The following IGFBP4 variants were observed in gnomAD, a reference collection of about 807,000 sequenced individuals.
The protein encoded by IGFBP4 is insulin like growth factor binding protein 4.
A neutral mutation model predicts 25.8 loss-of-function variants in IGFBP4; 9 were observed. The ratio of observed to expected loss-of-function variants is 0.35; its 90% CI spans 0.21 to 0.61. IGFBP4 has a LOEUF of 0.61. Among genes scored for constraint, IGFBP4 ranks in the 20% least tolerant of loss-of-function variants. IGFBP4 has a pLI of 0.77. For missense variants in IGFBP4, 315 were observed against 365.3 expected (o/e 0.86, Z 1.12); for synonymous variants, 153 against 153.9 (o/e 0.99, Z 0.05).
In IGFBP4 at chr17:40,453,090, G is replaced by A. The variant is rs778987568; in HGVS notation, c.455G>A (p.Ser152Asn). 8 of 1,600,872 alleles carry A rather than the reference G, an allele frequency of 5.0e-6. No homozygotes were observed. In the South Asian group the frequency reaches 7.9e-5, roughly 16 times the overall value. The change falls in exon 2 of 4, where the codon AGT becomes AAT. Residue 152 changes from serine to asparagine, a missense_variant. By Grantham distance (46) the Ser-to-Asn change is conservative. Transcript: ENST00000269593. This position sits in a 1 kb window ranked among gnomAD's most constrained non-coding sequence, Gnocchi z 4.0. The part of the protein sequence containing the change: ...HFAKIRDRST[S>N]GGKMKVNGAP... ...GCCAAAATTCGAGACCGGAGCACCA[G>A]TGGGGGCAAGATGAAGGTCAATGGG...
chr17:40,448,216 C>T lies in IGFBP4; in HGVS notation c.349+4132C>T, dbSNP rs191246569. Among the ~76,000 whole-genome samples, 61 of 152,336 alleles carry T rather than the reference C, an allele frequency of 4.0e-4. No individual in the cohort carries two copies. The East Asian group carries it at 5.6e-3, about 14-fold the overall frequency. ...CTCAGTTCATAGCCTAGGTGTCTCT[C>T]GAGGGCCAGGGGCTGGCGTTGGGGA... On this transcript the variant is annotated intron_variant, in intron 1 of 3. Coordinates refer to ENST00000269593, the MANE Select transcript of IGFBP4 (RefSeq NM_001552.3).
rs760643575 is a variant in IGFBP4 at position 40,456,550 on chromosome 17, C to G, written c.744C>G (p.Asp248Glu). 4 of 1,613,204 alleles carry G rather than the reference C, an allele frequency of 2.5e-6. No homozygotes were observed. Among genetic ancestry groups the G allele is most frequent in the Non-Finnish European group, 3.4e-6 (4 of 1,179,806 alleles). The change falls in exon 4 of 4, where the codon GAC (aspartate) becomes GAG (glutamate). Residue 248 changes from aspartate (D) to glutamate (E), a missense_variant. Physicochemically the swap from Asp to Glu is conservative, Grantham distance 45. Coordinates refer to ENST00000269593, the MANE Select transcript of IGFBP4 (RefSeq NM_001552.3). ...PGGLEPKGEL[D>E]CHQLADSFRE Reference sequence around the variant, plus strand: ...GCCTGGAGCCAAAGGGGGAGCTGGACTGCCACCAGCTGGCTGACAGCTTTC... The same window carrying G: ...GCCTGGAGCCAAAGGGGGAGCTGGAGTGCCACCAGCTGGCTGACAGCTTTC...
Position 40,454,073 on chromosome 17 carries a change from G to A in IGFBP4, c.642+11G>A, listed in dbSNP as rs1208693713. On this transcript the variant is annotated intron_variant, in intron 3 of 3. Coordinates refer to ENST00000269593, the MANE Select transcript of IGFBP4 (RefSeq NM_001552.3). Reference sequence around the variant, plus strand: ...TTCCACCCCAAGCAGGTGGGTCTCTGTCTCCCGCTGGCTTGGCCCTGGACT... The same window carrying A: ...TTCCACCCCAAGCAGGTGGGTCTCTATCTCCCGCTGGCTTGGCCCTGGACT... The A allele has an allele frequency of 8.7e-6, 14 of 1,610,690 alleles. No homozygotes were observed. In the Admixed American group the frequency reaches 1.8e-4, roughly 21 times the overall value.
chr17:40,447,387 A>G (rs2035654774), intron 1 of IGFBP4, among the ~76,000 whole-genome samples: 1 of 152,248 alleles, frequency 6.6e-6, no homozygotes. Context: ...GACAGCGGAA[A>G]GATCAGCGTT....
chr17:40,447,231 G>A (rs974332299), intron 1 of IGFBP4, among the ~76,000 whole-genome samples: 1 of 152,222 alleles, frequency 6.6e-6, no homozygotes, highest in Non-Finnish European at 1.5e-5. Context: ...ACCCCTGCCT[G>A]CCCTCCTGTC....
chr17:40,444,874 G>A (rs2035631943), intron 1 of IGFBP4, among the ~76,000 whole-genome samples: 1 of 146,624 alleles, frequency 6.8e-6, no homozygotes, highest in Non-Finnish European at 1.5e-5. Context: ...GAGAGAGAGA[G>A]AGAGAGAGAA....
In IGFBP4 at chr17:40,453,639, TC is replaced by T. The variant is rs1477133503; in HGVS notation, c.508-286del. Among the ~76,000 whole-genome samples the T allele has an allele frequency of 6.6e-6, 1 of 152,032 alleles. No homozygotes were observed. Among genetic ancestry groups the T allele is most frequent in the East Asian group, 1.9e-4 (1 of 5,182 alleles). On this transcript the variant is annotated intron_variant, in intron 2 of 3. Transcript: ENST00000269593. The surrounding 1 kb of genome is among the most constrained non-coding windows in gnomAD (Gnocchi z 4.0). The stretch of plus-strand genomic sequence containing the variant: ...TCCCTTCTGCATAGAAATCACCCCC[TC>T]CCTGGCTTTCTGCATAGGTTCCCAC...
chr17:40,453,210 A>G lies in IGFBP4; in HGVS notation c.507+68A>G. 1 of 1,184,962 alleles carries G rather than the reference A, an allele frequency of 8.4e-7. No homozygotes were observed. Among genetic ancestry groups the G allele is most frequent in the Non-Finnish European group, 1.1e-6 (1 of 882,590 alleles). The allele number at this position is 1,184,962 out of a possible 1,614,324, so 73.4% of individuals were successfully genotyped here. On this transcript the variant is annotated intron_variant, in intron 2 of 3. Transcript: ENST00000269593. This position sits in a 1 kb window ranked among gnomAD's most constrained non-coding sequence, Gnocchi z 4.0. Reference sequence around the variant, plus strand: ...CACACACACATGCCCCCTGCCCCCCACATGCACGCACCCACACACACCATC... The same window carrying G: ...CACACACACATGCCCCCTGCCCCCCGCATGCACGCACCCACACACACCATC...
At chr17:40,445,708 G>A (rs957308497) in intron 1 of IGFBP4, among the ~76,000 whole-genome samples, 6 of 152,230 alleles carry the variant, frequency 3.9e-5, no homozygotes, top group Admixed American at 3.3e-4. Flanking sequence ...AGAGATGCCA[G>A]TGGCAATGGT....
At chr17:40,449,826 A>G (rs923467208) in intron 1 of IGFBP4, among the ~76,000 whole-genome samples, 2 of 151,844 alleles carry the variant, frequency 1.3e-5, no homozygotes, top group Non-Finnish European at 2.9e-5. Context: ...CTTCTATTCC[A>G]TATCTCTTGA....
chr17:40,448,045 T>G (rs529576210), intron 1 of IGFBP4, among the ~76,000 whole-genome samples: 63 of 152,306 alleles, frequency 4.1e-4, no homozygotes, highest in Non-Finnish European at 1.2e-4. Context: ...GAGCCAGACC[T>G]CAGAGAAAGG....
At chr17:40,444,964 G>C (rs1475529009) in intron 1 of IGFBP4, among the ~76,000 whole-genome samples, 5 of 131,022 alleles carry the variant, frequency 3.8e-5, no homozygotes, top group South Asian at 2.6e-4. Context: ...GAGAGAGAGA[G>C]AGAGAGAGAG....
chr17:40,451,233 A>C (rs2035680743), intron 1 of IGFBP4, among the ~76,000 whole-genome samples: 2 of 152,014 alleles, frequency 1.3e-5, no homozygotes. Flanking sequence ...TGGGATTTTA[A>C]ATGTGCAGAA....
intron 3 of IGFBP4, among the ~76,000 whole-genome samples, chr17:40,455,805 G>A (rs1284943981): frequency 1.3e-5 from 2 of 152,086 alleles, no homozygotes; most frequent in African/African-American, 4.8e-5. Context: ...CCCATTGAAA[G>A]TTCTGACACT....
chr17:40,448,978 A>G (rs1044303114), intron 1 of IGFBP4, among the ~76,000 whole-genome samples: 2 of 152,184 alleles, frequency 1.3e-5, no homozygotes. Context: ...TGTCTGTGTG[A>G]GTAGGCAAAT....
At chr17:40,445,090 T>C (rs1463690595) in intron 1 of IGFBP4, among the ~76,000 whole-genome samples, 1 of 152,206 alleles carries the variant, frequency 6.6e-6, no homozygotes, top group African/African-American at 2.4e-5. Flanking sequence ...CTTGCTCTTT[T>C]GTTCTTCCTG....
intron 3 of IGFBP4, among the ~76,000 whole-genome samples, chr17:40,456,219 TCTTAAGG>T (rs2035713190): frequency 6.6e-6 from 1 of 152,156 alleles, no homozygotes; most frequent in Non-Finnish European, 1.5e-5. Flanking sequence ...CCGAGGGCTT[TCTTAAGG>T]TCCTGCCTTC....
Position 40,456,853 on chromosome 17 carries a change from G to A in IGFBP4, c.*270G>A. 2.1e-6 allele frequency: 1 copy of A among 467,956 alleles called. No individual in the cohort carries two copies. Among genetic ancestry groups the A allele is most frequent in the Non-Finnish European group, 3.8e-6 (1 of 265,930 alleles). 29.0% of individuals were successfully genotyped at this position (467,956 alleles called of 1,614,324 possible). Reference sequence around the variant, plus strand: ...CTGAGACTGGCACTTAGCCCAAGAGGTCTGAGCCCTGGTGTGTTTCCAGAT... The same window carrying A: ...CTGAGACTGGCACTTAGCCCAAGAGATCTGAGCCCTGGTGTGTTTCCAGAT... On this transcript the variant is annotated 3_prime_UTR_variant, in exon 4 of 4. Coordinates refer to ENST00000269593, the MANE Select transcript of IGFBP4 (RefSeq NM_001552.3).
chr17:40,445,618 A>G lies in IGFBP4; in HGVS notation c.349+1534A>G, dbSNP rs373925182. On this transcript the variant is annotated intron_variant, in intron 1 of 3. Coordinates refer to ENST00000269593, the MANE Select transcript of IGFBP4 (RefSeq NM_001552.3). The stretch of plus-strand genomic sequence containing the variant: ...AGGGAGAGATGGGTCAGCAGAAAAC[A>G]TTCTAGGAGAAATGCCAGCCTGGCA... Among the ~76,000 whole-genome samples the G allele has an allele frequency of 1.1e-4, 16 of 152,300 alleles. 1 individual carries two copies. In the South Asian group the frequency reaches 3.3e-3, roughly 32 times the overall value.
Sources: allele counts gnomAD v4.1 joint callset (sites outside exome capture counted in the v4.1 genomes callset), GRCh38; gene constraint gnomAD v4.1.1; non-coding constraint Gnocchi (gnomAD v3.1); transcripts MANE v1.5; gene names NCBI Gene and HGNC (gene_info 2026-07-23, HGNC 2026-07-21).